Variants in TEKT3 observed in about 807,000 individuals in gnomAD.
TEKT3 encodes the protein tektin 3, also known as tektin-3.
TEKT3 carries 49 observed loss-of-function variants against 49.8 expected under a neutral mutation model. The ratio of observed to expected loss-of-function variants is 0.98; its 90% CI spans 0.78 to 1.25. TEKT3 has a LOEUF of 1.25. Ranked by LOEUF, TEKT3 falls within the 50% of genes most tolerant of loss-of-function variation. TEKT3 has a pLI of 0.00. For synonymous variants in TEKT3, 225 were observed against 237.2 expected (o/e 0.95, Z 0.47); for missense variants, 595 against 629.5 (o/e 0.95, Z 0.59).
Position 15,331,083 on chromosome 17 carries a change from A to G in TEKT3, c.503T>C (p.Ile168Thr). The G allele has an allele frequency of 6.2e-7, 1 of 1,614,134 alleles. No homozygotes were observed. The highest frequency in any genetic ancestry group is 8.5e-7 in the Non-Finnish European group (1 of 1,180,018). Residue 168 changes from isoleucine (I) to threonine (T), a missense_variant, in exon 3 of 9, where the codon ATT becomes ACT. Coordinates refer to ENST00000395930, the MANE Select transcript of TEKT3 (RefSeq NM_031898.3). ...SEIIHELDEMIGETNALTDVK... is the reference protein window; with the variant it reads ...SEIIHELDEMTGETNALTDVK... ...ATCAGTAAGTGCATTTGTCTCTCCA[A>G]TCATTTCATCCAACTCATGAATGAT...
intron 4 of TEKT3, among the ~76,000 whole-genome samples, chr17:15,326,087 G>A (rs1467770666): frequency 6.6e-6 from 1 of 151,590 alleles, no homozygotes; most frequent in Non-Finnish European, 1.5e-5. Context: ...AAAGGAAAGA[G>A]CAAAGAAAAA....
chr17:15,341,337 G>A lies in TEKT3; in HGVS notation c.-64+181C>T, dbSNP rs531827457. On this transcript the variant is annotated intron_variant, in intron 1 of 8. Coordinates refer to ENST00000395930, the MANE Select transcript of TEKT3 (RefSeq NM_031898.3). ...ATTACGAGGAAACCAACGTCTGGGT[G>A]GGAGGTGCCTGTGGATTTGTACGGT... 3.7e-4 allele frequency among the ~76,000 whole-genome samples: 56 copies of A among 152,324 alleles called. 1 individual carries two copies. The South Asian group carries it at 6.4e-3, about 17-fold the overall frequency.
chr17:15,334,264 C>T (rs963834256), intron 2 of TEKT3, among the ~76,000 whole-genome samples: 1 of 152,110 alleles, frequency 6.6e-6, no homozygotes, highest in African/African-American at 2.4e-5. Flanking sequence ...CTATGTTGCC[C>T]AGGCTGGTCT....
At chr17:15,337,339 A>G (rs1912022194) in intron 2 of TEKT3, among the ~76,000 whole-genome samples, 1 of 152,112 alleles carries the variant, frequency 6.6e-6, no homozygotes, top group South Asian at 2.1e-4. Flanking sequence ...AAAATGGAAG[A>G]CAAAAAAGAC....
upstream of TEKT3, among the ~76,000 whole-genome samples, chr17:15,342,391 C>T (rs1912262429): frequency 6.6e-6 from 1 of 152,218 alleles, no homozygotes; most frequent in Non-Finnish European, 1.5e-5. Context: ...AGAGAATTCA[C>T]CGAGTTACTT....
In TEKT3 at chr17:15,331,886, CTTG is replaced by C. The variant is rs1284060891; in HGVS notation, c.-29-275_-29-273del. 3.3e-5 allele frequency among the ~76,000 whole-genome samples: 5 copies of C among 152,140 alleles called. No individual in the cohort carries two copies. The South Asian group carries it at 8.3e-4, about 25-fold the overall frequency. On this transcript the variant is annotated intron_variant, in intron 2 of 8. Coordinates refer to ENST00000395930, the MANE Select transcript of TEKT3 (RefSeq NM_031898.3). ...GTGAAAATTATGAGAGTAATATTGT[CTTG>C]TTGTAACAAATTCAAATTAGGAGCC...
At chr17:15,340,153 A>T (rs1041093829) in intron 1 of TEKT3, 92 bp from the exon 2 acceptor site, 4 of 152,190 alleles carry the variant, frequency 2.6e-5, no homozygotes, top group African/African-American at 9.7e-5. Context: ...CATCAACAGG[A>T]GGATGCATAC....
At chr17:15,318,988 T>A (rs1022563589) in intron 5 of TEKT3, 89 bp downstream of exon 5, 1 of 1,072,634 alleles carries the variant, frequency 9.3e-7, no homozygotes, top group African/African-American at 1.6e-5. Context: ...TGTGTGTCCT[T>A]ATAAGAAATT....
chr17:15,319,948 A>C (rs1229529018), intron 4 of TEKT3, among the ~76,000 whole-genome samples: 3 of 152,234 alleles, frequency 2.0e-5, no homozygotes, highest in African/African-American at 7.2e-5. Flanking sequence ...GGGACATTTT[A>C]AACTTGAACA....
intron 1 of TEKT3, among the ~76,000 whole-genome samples, chr17:15,341,196 T>G (rs1912215811): frequency 6.6e-6 from 1 of 152,212 alleles, no homozygotes; most frequent in Non-Finnish European, 1.5e-5. Context: ...GGCACAGCGC[T>G]GCTAACGGGT....
At chr17:15,318,855 A>G (rs1441115928) in intron 5 of TEKT3, among the ~76,000 whole-genome samples, 2 of 152,226 alleles carry the variant, frequency 1.3e-5, no homozygotes, top group Non-Finnish European at 2.9e-5. Context: ...ATGGGTATAT[A>G]CATTTATGGG....
At chr17:15,342,023 T>C (rs1299087640), upstream of TEKT3, among the ~76,000 whole-genome samples, 5 of 152,132 alleles carry the variant, frequency 3.3e-5, no homozygotes, top group Non-Finnish European at 7.4e-5. Context: ...CTCTCTTCTC[T>C]CCAGCAGAGC....
At chr17:15,307,581 G>T (rs1363973011) in intron 8 of TEKT3, among the ~76,000 whole-genome samples, 1 of 152,062 alleles carries the variant, frequency 6.6e-6, no homozygotes, top group Non-Finnish European at 1.5e-5. Context: ...ATCAATGTTG[G>T]CCTCACAAGA....
intron 2 of TEKT3, among the ~76,000 whole-genome samples, chr17:15,336,359 A>G (rs1911983167): frequency 6.6e-6 from 1 of 152,232 alleles, no homozygotes; most frequent in Non-Finnish European, 1.5e-5. Flanking sequence ...TTCTATATCT[A>G]GTGAAAATAT....
intron 7 of TEKT3, among the ~76,000 whole-genome samples, chr17:15,309,629 C>CT (rs1323072631): frequency 2.6e-5 from 4 of 151,906 alleles, no homozygotes; most frequent in East Asian, 1.9e-4. Flanking sequence ...CAAGAATCAT[C>CT]TTTTTTTTGG....
rs528196158 is a variant in TEKT3 at position 15,314,191 on chromosome 17, C to T, written c.774G>A (p.Leu258=). The change falls in exon 6 of 9, where the codon CTG becomes CTA. Residue 258 remains leucine, a synonymous_variant. Coordinates refer to ENST00000395930, the MANE Select transcript of TEKT3 (RefSeq NM_031898.3). ...TCCGGTAAGCCGTCTGTTTGTCACT[C>T]AGGTCCTTTTCCAGCTCATGCTGGG... ...RASQHELEKD[L]SDKQTAYRID... 23 of 1,614,216 alleles carry T rather than the reference C, an allele frequency of 1.4e-5. No individual in the cohort carries two copies. In the Admixed American group the frequency reaches 3.0e-4, roughly 21 times the overall value.
Position 15,304,019 on chromosome 17 carries a change from T to C in TEKT3, c.1390A>G (p.Asn464Asp). ...TLEYDLAVKA[N>D]SLYIDQEKCM... ...TTTTCCTGGTCGATGTACAGGGAAT[T>C]GGCTTTGACAGCCAGGTCATACTCG... Residue 464 changes from asparagine to aspartate, a missense_variant, in exon 9 of 9, where the codon AAT (asparagine) becomes GAT (aspartate). Asn to Asp is a conservative substitution (Grantham distance 23). Coordinates refer to ENST00000395930, the MANE Select transcript of TEKT3 (RefSeq NM_031898.3). The surrounding 1 kb of genome is among the most constrained non-coding windows in gnomAD (Gnocchi z 4.7). 3 of 1,614,140 alleles carry C rather than the reference T, an allele frequency of 1.9e-6. No individual in the cohort carries two copies. The highest frequency in any genetic ancestry group is 2.5e-6 in the Non-Finnish European group (3 of 1,180,024).
At chr17:15,327,760 C>G (rs1403177697) in intron 4 of TEKT3, 1 of 437,402 alleles carries the variant, frequency 2.3e-6, no homozygotes, top group Non-Finnish European at 4.1e-6. Flanking sequence ...TGATTTCTGT[C>G]TAATAAAGCT....
intron 6 of TEKT3, among the ~76,000 whole-genome samples, chr17:15,312,952 T>C (rs1400694004): frequency 6.6e-6 from 1 of 152,222 alleles, no homozygotes; most frequent in African/African-American, 2.4e-5. Context: ...AATGTTGAAT[T>C]GGTACAACCT....
Sources: allele counts gnomAD v4.1 joint callset (sites outside exome capture counted in the v4.1 genomes callset), GRCh38; gene constraint gnomAD v4.1.1; non-coding constraint Gnocchi (gnomAD v3.1); transcripts MANE v1.5; gene names NCBI Gene and HGNC (gene_info 2026-07-23, HGNC 2026-07-21).